The following MINAR1 variants were observed in gnomAD, a reference collection of about 807,000 sequenced individuals.
The protein encoded by MINAR1 is membrane integral NOTCH2 associated receptor 1.
MINAR1 carries 40 observed loss-of-function variants against 65.1 expected under a neutral mutation model. That is an observed-to-expected ratio of 0.61 (90% CI 0.48 to 0.80). The LOEUF is 0.80. Among genes scored for constraint, MINAR1 ranks in the 30% least tolerant of loss-of-function variants. The pLI, the probability that MINAR1 is intolerant of heterozygous loss-of-function variation, is 0.00. For synonymous variants in MINAR1, 482 were observed against 449.1 expected, an observed-to-expected ratio of 1.07 and a Z score of -0.93; for missense variants, 1,128 against 1,148.0, an observed-to-expected ratio of 0.98 and a Z score of 0.25.
At chr15:79,425,260 G>C in the MINAR1 span, 1 of 152,136 alleles carries the variant, frequency 6.6e-6, no homozygotes, top group Non-Finnish European at 1.5e-5. Flanking sequence ...GGCTGGTCTT[G>C]AACTCCTGAC....
At chr15:79,416,573 A>G in the MINAR1 span, 1 of 151,950 alleles carries the variant, frequency 6.6e-6, no homozygotes, top group East Asian at 1.9e-4. Flanking sequence ...ATCTTCAAAC[A>G]TCTTGTGGAG....
intron 1 of MINAR1, among the ~76,000 whole-genome samples, chr15:79,435,218 G>A (rs1567048160): frequency 6.6e-6 from 1 of 151,862 alleles, no homozygotes; most frequent in Non-Finnish European, 1.5e-5. Context: ...AGAGGTTGCG[G>A]TGAGCCGAGA....
At chr15:79,447,139 C>T (rs1895046371) in intron 1 of MINAR1, among the ~76,000 whole-genome samples, 1 of 152,204 alleles carries the variant, frequency 6.6e-6, no homozygotes, top group African/African-American at 2.4e-5. Context: ...CCACCCACCT[C>T]AGCCTCCCAA....
the MINAR1 span, chr15:79,424,435 A>G: frequency 6.6e-6 from 1 of 152,060 alleles, no homozygotes; most frequent in Non-Finnish European, 1.5e-5. Context: ...GCATTAGAGA[A>G]CTCCCACTCT....
intron 2 of MINAR1, among the ~76,000 whole-genome samples, chr15:79,459,136 T>C (rs1895548653): frequency 6.7e-6 from 1 of 148,774 alleles, no homozygotes; most frequent in African/African-American, 2.5e-5. Context: ...GCTGAGATCA[T>C]GCACTGCACT....
At chr15:79,417,311 G>A in the MINAR1 span, 2 of 152,258 alleles carry the variant, frequency 1.3e-5, no homozygotes, top group African/African-American at 4.8e-5. Context: ...GATAGTTCCA[G>A]GCATCACTGC....
upstream of MINAR1, among the ~76,000 whole-genome samples, chr15:79,428,102 G>T (rs1397356061): frequency 3.3e-5 from 5 of 152,130 alleles, no homozygotes; most frequent in East Asian, 5.8e-4. Context: ...TTGTTCACTG[G>T]TACATTCAAG....
upstream of MINAR1, among the ~76,000 whole-genome samples, chr15:79,428,417 CTTCATTCTT>C (rs1894367181): frequency 8.0e-6 from 1 of 124,428 alleles, no homozygotes; most frequent in African/African-American, 3.0e-5. Context: ...TCCCTCCTTC[CTTCATTCTT>C]TCCTTCCTTT....
intron 2 of MINAR1, among the ~76,000 whole-genome samples, chr15:79,462,031 TTTTTTCC>T (rs1895661795): frequency 6.6e-6 from 1 of 152,242 alleles, no homozygotes; most frequent in Non-Finnish European, 1.5e-5. Flanking sequence ...CACATTCTTC[TTTTTTCC>T]TTTTTCTCTT....
the MINAR1 span, chr15:79,422,473 G>C: frequency 6.6e-6 from 1 of 151,930 alleles, no homozygotes; most frequent in Non-Finnish European, 1.5e-5. Context: ...ACTTGAACCC[G>C]GGAGGTGGAG....
intron 3 of MINAR1, among the ~76,000 whole-genome samples, chr15:79,464,124 T>A (rs527310048): frequency 2.4e-4 from 36 of 152,166 alleles, no homozygotes; most frequent in Admixed American, 3.9e-4. Flanking sequence ...CTGTGGGAGG[T>A]ACAGTGTGGT....
intron 3 of MINAR1, among the ~76,000 whole-genome samples, chr15:79,466,089 TGCACAATAG>T (rs1387086579): frequency 3.9e-5 from 6 of 152,200 alleles, no homozygotes; most frequent in Non-Finnish European, 8.8e-5. Context: ...CAGAGCACTC[TGCACAATAG>T]GGACTTTTCC....
chr15:79,457,389 C>T lies in MINAR1; in HGVS notation c.1242C>T (p.Tyr414=). The stretch of plus-strand genomic sequence containing the variant: ...CAGCCCCAGAAAGGCGCCCAACTTA[C>T]CTTGTGCCAAAGGATCAACAGCCAA... ...NFPAPERRPT[Y]LVPKDQQPIL... Residue 414 remains tyrosine (Y), a synonymous_variant, in exon 2 of 4, where the codon TAC becomes TAT. Coordinates refer to ENST00000305428, the MANE Select transcript of MINAR1 (RefSeq NM_015206.3). 6.2e-7 allele frequency: 1 copy of T among 1,614,180 alleles called. No homozygotes were observed. The highest frequency in any genetic ancestry group is 1.1e-5 in the South Asian group (1 of 91,074).
upstream of MINAR1, among the ~76,000 whole-genome samples, chr15:79,429,078 CTGAGA>C (rs1249260609): frequency 2.0e-5 from 3 of 152,092 alleles, no homozygotes; most frequent in Non-Finnish European, 2.9e-5. Context: ...TTTAAAGCAG[CTGAGA>C]TAAGAAGGGC....
At chr15:79,452,693 TGG>T (rs1313687197) in intron 1 of MINAR1, among the ~76,000 whole-genome samples, 1 of 110,078 alleles carries the variant, frequency 9.1e-6, no homozygotes, top group African/African-American at 4.6e-5. Context: ...TGTGTGTGTG[TGG>T]GTGTCTGGAT....
rs889237168 is a variant in MINAR1 at position 79,456,349 on chromosome 15, A to G, written c.202A>G (p.Lys68Glu). Residue 68 changes from lysine to glutamate, a missense_variant, in exon 2 of 4, where the codon AAG (lysine) becomes GAG (glutamate). By Grantham distance (56) the Lys-to-Glu change is moderately conservative (BLOSUM62 1). Transcript: ENST00000305428. ...TTTTCCAGCCACGCTATTCAAAGACAAGATGAAATGCACTGTGAATAACCA... is the reference window on the plus strand; with the variant it reads ...TTTTCCAGCCACGCTATTCAAAGACGAGATGAAATGCACTGTGAATAACCA... ...PNFPATLFKD[K>E]MKCTVNNQQS... 22 of 1,614,136 alleles carry G rather than the reference A, an allele frequency of 1.4e-5. No individual in the cohort carries two copies. In the African/African-American group the frequency reaches 2.7e-4, roughly 20 times the overall value.
chr15:79,453,303 G>A (rs1045413165), intron 1 of MINAR1, among the ~76,000 whole-genome samples: 2 of 152,058 alleles, frequency 1.3e-5, no homozygotes, highest in Non-Finnish European at 2.9e-5. Flanking sequence ...ATTGAGCCTA[G>A]TGCCCCTTCA....
upstream of MINAR1, among the ~76,000 whole-genome samples, chr15:79,431,518 G>GGT: frequency 6.6e-6 from 1 of 152,004 alleles, no homozygotes; most frequent in East Asian, 1.9e-4. Flanking sequence ...TGTGTGTGGG[G>GGT]GGGGAGAGAA....
At chr15:79,461,640 A>C (rs751932838) in intron 2 of MINAR1, among the ~76,000 whole-genome samples, 2 of 152,198 alleles carry the variant, frequency 1.3e-5, no homozygotes, top group Non-Finnish European at 2.9e-5. Flanking sequence ...CAGTGTCAGC[A>C]GTCTTGATGG....
Sources: gnomAD v4.1 joint callset for allele counts (sites outside exome capture counted in the v4.1 genomes callset) on GRCh38, gnomAD v4.1.1 for gene constraint, MANE v1.5 for transcripts, NCBI Gene and HGNC (gene_info 2026-07-23, HGNC 2026-07-21) for gene names.